HYAL4: variants seen among roughly 807,000 people sequenced by gnomAD.
HYAL4 encodes the protein hyaluronidase-4.
Under a neutral mutation model 35.2 loss-of-function variants are expected in HYAL4, and 37 were observed. The ratio of observed to expected loss-of-function variants is 1.05; its 90% CI spans 0.81 to 1.38. The LOEUF is 1.38. Ranked by LOEUF, HYAL4 falls within the 40% of genes most tolerant of loss-of-function variation. HYAL4 has a pLI of 0.00. For synonymous variants in HYAL4, 198 were observed against 203.2 expected, an observed-to-expected ratio of 0.97 and a Z score of 0.22; for missense variants, 572 against 572.4, an observed-to-expected ratio of 1.00 and a Z score of 0.01.
chr7:123,778,595 AG>A, the HYAL4 span, among the ~76,000 whole-genome samples: 1 of 151,680 alleles, frequency 6.6e-6, no homozygotes, highest in South Asian at 2.1e-4. Flanking sequence ...CCTAGTGATG[AG>A]ATGCAGGTTA....
upstream of HYAL4, among the ~76,000 whole-genome samples, chr7:123,842,395 C>G (rs544818204): frequency 1.4e-4 from 22 of 152,090 alleles, no homozygotes; most frequent in Non-Finnish European, 3.1e-4. Flanking sequence ...TTTACATTTG[C>G]TGAGGAGTGC....
chr7:123,796,220 A>T, the HYAL4 span, among the ~76,000 whole-genome samples: 3 of 152,244 alleles, frequency 2.0e-5, no homozygotes, highest in Admixed American at 2.0e-4. Context: ...ATTAGACATC[A>T]TGGGAACAGA....
intron 2 of HYAL4, among the ~76,000 whole-genome samples, chr7:123,853,098 CTT>C (rs1360590126): frequency 6.6e-6 from 1 of 152,148 alleles, no homozygotes; most frequent in Non-Finnish European, 1.5e-5. Flanking sequence ...TATCCTGAGA[CTT>C]TGCTTAAGTT....
In HYAL4 at chr7:123,868,332, C is replaced by G. The variant is rs747601415; in HGVS notation, c.59C>G (p.Thr20Ser). ...KLCVVQPVHL[T>S]SWLLIFFILK... Reference sequence around the variant, plus strand: ...TGTGTTGTTCAACCAGTACATCTCACTTCATGGCTCCTTATATTTTTTATT... The same window carrying G: ...TGTGTTGTTCAACCAGTACATCTCAGTTCATGGCTCCTTATATTTTTTATT... The change falls in exon 3 of 5, where the codon ACT becomes AGT. Residue 20 changes from threonine (T) to serine (S), a missense_variant. Physicochemically the swap from Thr to Ser is moderately conservative, Grantham distance 58. Coordinates refer to ENST00000223026, the MANE Select transcript of HYAL4 (RefSeq NM_012269.3). 2 of 1,595,778 alleles carry G rather than the reference C, an allele frequency of 1.3e-6. No individual in the cohort carries two copies. Among genetic ancestry groups the G allele is most frequent in the South Asian group, 2.3e-5 (2 of 86,884 alleles).
chr7:123,830,016 C>G (rs542520675), intron 1 of HYAL4, among the ~76,000 whole-genome samples: 2 of 152,058 alleles, frequency 1.3e-5, no homozygotes. Context: ...CAAATAGATC[C>G]GAGGAAATGC....
intron 4 of HYAL4, among the ~76,000 whole-genome samples, chr7:123,876,485 T>G (rs1259316663): frequency 1.3e-5 from 2 of 152,240 alleles, no homozygotes; most frequent in Non-Finnish European, 2.9e-5. Flanking sequence ...GGGGGCTATT[T>G]GCAAGTTCAG....
intron 2 of HYAL4, among the ~76,000 whole-genome samples, chr7:123,855,561 A>G (rs919130954): frequency 2.6e-5 from 4 of 152,174 alleles, no homozygotes; most frequent in Admixed American, 2.6e-4. Flanking sequence ...TTCTGCCAAG[A>G]GATCTACTGT....
At chr7:123,783,768 A>G in the HYAL4 span, among the ~76,000 whole-genome samples, 1 of 152,192 alleles carries the variant, frequency 6.6e-6, no homozygotes, top group Admixed American at 6.5e-5. Flanking sequence ...GAATGAAGAA[A>G]CGACCTATGA....
intron 1 of HYAL4, among the ~76,000 whole-genome samples, chr7:123,832,535 T>C (rs1318122799): frequency 7.9e-6 from 1 of 126,254 alleles, no homozygotes; most frequent in Non-Finnish European, 1.6e-5. Context: ...AGTCTCGCTC[T>C]GTCGCTCAGG....
chr7:123,807,041 C>T, the HYAL4 span, among the ~76,000 whole-genome samples: 1 of 152,148 alleles, frequency 6.6e-6, no homozygotes, highest in Non-Finnish European at 1.5e-5. Context: ...TTACTGCATA[C>T]AATTTCTTTT....
chr7:123,841,112 T>C (rs1044224160), upstream of HYAL4, among the ~76,000 whole-genome samples: 11 of 152,150 alleles, frequency 7.2e-5, no homozygotes, highest in African/African-American at 2.4e-4. Context: ...CAGTATGATA[T>C]TGGCTGTGGG....
intron 1 of HYAL4, among the ~76,000 whole-genome samples, chr7:123,833,209 G>A (rs1167636269): frequency 6.6e-6 from 1 of 152,188 alleles, no homozygotes; most frequent in Non-Finnish European, 1.5e-5. Context: ...CAGTGTGGAA[G>A]TGTTCCCGTT....
Position 123,869,024 on chromosome 7 carries a change from C to A in HYAL4, c.751C>A (p.Leu251Ile). ...EVLRNNELSWLWNSSAALYPS... is the reference protein window; with the variant it reads ...EVLRNNELSWIWNSSAALYPS... ...CTTGAGGAACAATGAGCTCTCTTGGCTCTGGAACAGCAGTGCTGCTTTATA... is the reference window on the plus strand; with the variant it reads ...CTTGAGGAACAATGAGCTCTCTTGGATCTGGAACAGCAGTGCTGCTTTATA... The change falls in exon 3 of 5, where the codon CTC becomes ATC. Residue 251 changes from leucine (L) to isoleucine (I), a missense_variant. By Grantham distance (5) the Leu-to-Ile change is conservative (BLOSUM62 2). Coordinates refer to ENST00000223026, the MANE Select transcript of HYAL4 (RefSeq NM_012269.3). The A allele has an allele frequency of 6.2e-7, 1 of 1,614,172 alleles. No homozygotes were observed. The highest frequency in any genetic ancestry group is 8.5e-7 in the Non-Finnish European group (1 of 1,179,994).
At chr7:123,808,342 A>T in the HYAL4 span, among the ~76,000 whole-genome samples, 1 of 152,052 alleles carries the variant, frequency 6.6e-6, no homozygotes, top group Non-Finnish European at 1.5e-5. Flanking sequence ...GAGTGGAAAG[A>T]ATGAAATTCC....
the HYAL4 span, among the ~76,000 whole-genome samples, chr7:123,798,137 T>C: frequency 2.0e-5 from 3 of 152,210 alleles, no homozygotes; most frequent in African/African-American, 7.2e-5. Context: ...TTCAAGACTC[T>C]GTAATGCAAT....
At chr7:123,780,662 A>G in the HYAL4 span, among the ~76,000 whole-genome samples, 2 of 152,074 alleles carry the variant, frequency 1.3e-5, no homozygotes, top group South Asian at 4.1e-4. Flanking sequence ...GAGAGATCAG[A>G]TTGTTACTGT....
chr7:123,793,725 A>G, the HYAL4 span, among the ~76,000 whole-genome samples: 1 of 152,186 alleles, frequency 6.6e-6, no homozygotes, highest in Admixed American at 6.6e-5. Context: ...CTGTGAATCA[A>G]TTAAATCTCT....
At chr7:123,788,311 T>A in the HYAL4 span, among the ~76,000 whole-genome samples, 1 of 152,200 alleles carries the variant, frequency 6.6e-6, no homozygotes, top group East Asian at 1.9e-4. Flanking sequence ...GAATGTATTG[T>A]CAGTTACTAT....
chr7:123,841,134 T>G (rs750592833), upstream of HYAL4, among the ~76,000 whole-genome samples: 1 of 152,022 alleles, frequency 6.6e-6, no homozygotes, highest in Non-Finnish European at 1.5e-5. Flanking sequence ...TTGTCATAAA[T>G]AGCTCTTATT....
Sources: gnomAD v4.1 joint callset for allele counts (sites outside exome capture counted in the v4.1 genomes callset) on GRCh38, gnomAD v4.1.1 for gene constraint, MANE v1.5 for transcripts, NCBI Gene and HGNC (gene_info 2026-07-23, HGNC 2026-07-21) for gene names.